The following CHN2 variants were observed in gnomAD, a reference collection of about 807,000 sequenced individuals.
The protein encoded by CHN2 is beta-chimaerin.
A neutral mutation model predicts 56.3 loss-of-function variants in CHN2; 35 were observed. The ratio of observed to expected loss-of-function variants is 0.62; its 90% CI spans 0.47 to 0.82. The LOEUF is 0.82. Among genes scored for constraint, CHN2 ranks in the 40% least tolerant of loss-of-function variants. The pLI, the probability that CHN2 is intolerant of heterozygous loss-of-function variation, is 0.00. For synonymous variants in CHN2, 210 were observed against 212.8 expected, an observed-to-expected ratio of 0.99 and a Z score of 0.12; for missense variants, 491 against 580.5, an observed-to-expected ratio of 0.85 and a Z score of 1.58.
In CHN2 at chr7:29,507,307, A is replaced by G. The variant is rs1790686478; in HGVS notation, c.1071A>G (p.Arg357=). 6.2e-7 allele frequency: 1 copy of G among 1,613,270 alleles called. No homozygotes were observed. Among genetic ancestry groups the G allele is most frequent in the Admixed American group, 1.7e-5 (1 of 60,006 alleles). ...CTGGAGCCCTTAAACTGTATTTCAG[A>G]GACTTACCCATCCCTGTCATCACAT... ...IITGALKLYF[R]DLPIPVITYD... is the part of the protein sequence containing the mutation. The change falls in exon 11 of 13, where the codon AGA becomes AGG. Residue 357 remains arginine, a synonymous_variant. Coordinates refer to ENST00000222792, the MANE Select transcript of CHN2 (RefSeq NM_004067.4).
chr7:29,496,701 G>A (rs1030267682), intron 8 of CHN2, among the ~76,000 whole-genome samples: 2 of 152,182 alleles, frequency 1.3e-5, no homozygotes, highest in African/African-American at 4.8e-5. Context: ...GAAAGCCTGG[G>A]TGATTTTCCA....
chr7:29,343,250 G>A (rs1797177495), intron 1 of CHN2, among the ~76,000 whole-genome samples: 1 of 152,182 alleles, frequency 6.6e-6, no homozygotes, highest in Admixed American at 6.5e-5. Context: ...ATCTCCAGCT[G>A]GCTGTGATAA....
At chr7:29,507,204 C>G in intron 10 of CHN2, 24 bp from the exon 11 acceptor site, 1 of 1,587,574 alleles carries the variant, frequency 6.3e-7, no homozygotes, top group South Asian at 1.2e-5. Context: ...CTAATTAGGA[C>G]TTGGATCACT....
intron 1 of CHN2, among the ~76,000 whole-genome samples, chr7:29,239,434 C>CA (rs1213569595): frequency 2.0e-5 from 3 of 152,076 alleles, no homozygotes; most frequent in Non-Finnish European, 4.4e-5. Flanking sequence ...TTAGACGTGT[C>CA]AAATAGGCAG....
intron 1 of CHN2, among the ~76,000 whole-genome samples, chr7:29,257,482 C>A (rs762786803): frequency 6.6e-6 from 1 of 152,208 alleles, no homozygotes; most frequent in South Asian, 2.1e-4. Flanking sequence ...CTCCACCATC[C>A]CTTCATCTTT....
intron 6 of CHN2, among the ~76,000 whole-genome samples, chr7:29,462,649 T>G (rs896950038): frequency 3.9e-5 from 6 of 152,182 alleles, no homozygotes; most frequent in Admixed American, 2.0e-4. Flanking sequence ...ATAGTTGAAC[T>G]TTTTGCATAA....
intron 1 of CHN2, among the ~76,000 whole-genome samples, chr7:29,211,969 A>G (rs926020692): frequency 1.3e-5 from 2 of 152,210 alleles, no homozygotes; most frequent in Non-Finnish European, 2.9e-5. Flanking sequence ...CAACTTCAAC[A>G]ATGATCGCAT....
chr7:29,389,138 G>C (rs1410133307), intron 3 of CHN2, among the ~76,000 whole-genome samples: 1 of 151,784 alleles, frequency 6.6e-6, no homozygotes, highest in South Asian at 2.1e-4. Flanking sequence ...AGAGTGTTGG[G>C]AATGTCTCTT....
chr7:29,277,239 A>G (rs1047106928), intron 1 of CHN2, among the ~76,000 whole-genome samples: 5 of 152,182 alleles, frequency 3.3e-5, no homozygotes, highest in African/African-American at 1.2e-4. Context: ...TCACTTTGTA[A>G]TTGAATGGTC....
chr7:29,465,059 G>C (rs989849693), intron 6 of CHN2, among the ~76,000 whole-genome samples: 1 of 152,044 alleles, frequency 6.6e-6, no homozygotes, highest in Non-Finnish European at 1.5e-5. Flanking sequence ...TCCCCTTCTT[G>C]CCTTTTTTCC....
intron 1 of CHN2, chr7:29,288,872 A>T (rs1472306139): frequency 6.6e-6 from 1 of 152,280 alleles, no homozygotes; most frequent in Non-Finnish European, 1.5e-5. Flanking sequence ...TGAGAGGGGC[A>T]AGGGAGAAAT....
At chr7:29,294,786 G>A (rs1198063504) in intron 1 of CHN2, among the ~76,000 whole-genome samples, 3 of 152,268 alleles carry the variant, frequency 2.0e-5, no homozygotes, top group South Asian at 2.1e-4. Context: ...CTGTTCTCAC[G>A]TATGTTTTTG....
Position 29,405,752 on chromosome 7 carries a change from C to T in CHN2, c.576+4924C>T, listed in dbSNP as rs747330595. On this transcript the variant is annotated intron_variant, in intron 6 of 12. Transcript: ENST00000222792. ...CTCTCCCCTCTTGTCTCCCACTCAGCGTTTTGTTTGTTTGTTTGTTTTTTC... is the reference window on the plus strand; with the variant it reads ...CTCTCCCCTCTTGTCTCCCACTCAGTGTTTTGTTTGTTTGTTTGTTTTTTC... 5.9e-5 allele frequency among the ~76,000 whole-genome samples: 9 copies of T among 152,274 alleles called. No homozygotes were observed. The South Asian group carries it at 6.2e-4, about 11-fold the overall frequency.
intron 6 of CHN2, among the ~76,000 whole-genome samples, chr7:29,476,931 T>C (rs942423046): frequency 1.3e-5 from 2 of 152,160 alleles, no homozygotes; most frequent in African/African-American, 4.8e-5. Flanking sequence ...TATATTAAAA[T>C]AGGTCAGGTA....
At chr7:29,474,997 T>C (rs1786469878) in intron 6 of CHN2, among the ~76,000 whole-genome samples, 1 of 152,122 alleles carries the variant, frequency 6.6e-6, no homozygotes, top group Admixed American at 6.5e-5. Flanking sequence ...GAGGGGTATT[T>C]GTCTTTCTTC....
At chr7:29,219,569 T>C (rs1785609707) in intron 1 of CHN2, among the ~76,000 whole-genome samples, 1 of 152,142 alleles carries the variant, frequency 6.6e-6, no homozygotes, top group African/African-American at 2.4e-5. Context: ...AGATAACCAA[T>C]TGTAGTAAGT....
chr7:29,439,280 A>C (rs1218774761), intron 6 of CHN2, among the ~76,000 whole-genome samples: 7 of 152,198 alleles, frequency 4.6e-5, no homozygotes, highest in Admixed American at 3.9e-4. Context: ...ACAGGGACTT[A>C]ATCTTTTTCA....
At chr7:29,318,034 T>C (rs546985620) in intron 1 of CHN2, among the ~76,000 whole-genome samples, 2 of 152,266 alleles carry the variant, frequency 1.3e-5, no homozygotes, top group South Asian at 2.1e-4. Flanking sequence ...GACTGTAGGA[T>C]GCCAGGGTGG....
rs1426588765 is a variant in CHN2 at position 29,508,006 on chromosome 7, A to G, written c.1129+641A>G. On this transcript the variant is annotated intron_variant, in intron 11 of 12. Transcript: ENST00000222792. ...TTAAAGTCACAAGCAAGTTTTGTCTATTGATGCTGTTCAAAATGAATAGAG... is the reference window on the plus strand; with the variant it reads ...TTAAAGTCACAAGCAAGTTTTGTCTGTTGATGCTGTTCAAAATGAATAGAG... Among the ~76,000 whole-genome samples, 4 of 152,252 alleles carry G rather than the reference A, an allele frequency of 2.6e-5. No homozygotes were observed. The South Asian group carries it at 6.2e-4, about 24-fold the overall frequency.
Sources: gnomAD v4.1 joint callset for allele counts (sites outside exome capture counted in the v4.1 genomes callset) on GRCh38, gnomAD v4.1.1 for gene constraint, MANE v1.5 for transcripts, NCBI Gene and HGNC (gene_info 2026-07-23, HGNC 2026-07-21) for gene names.